Variants in DNER observed in about 807,000 individuals in gnomAD.
DNER encodes delta and Notch-like epidermal growth factor-related receptor.
Under a neutral mutation model 78.2 loss-of-function variants are expected in DNER, and 33 were observed. That is an observed-to-expected ratio of 0.42 (90% confidence interval 0.32 to 0.56). DNER has a LOEUF of 0.56. DNER is among the 20% of genes least tolerant of loss of function. The pLI, the probability that DNER is intolerant of heterozygous loss-of-function variation, is 0.11. For missense variants in DNER, 918 were observed against 975.3 expected, an observed-to-expected ratio of 0.94 and a Z score of 0.78; for synonymous variants, 417 against 384.8, an observed-to-expected ratio of 1.08 and a Z score of -0.98.
At position 229,695,175 on chromosome 2, in the gene DNER, G is replaced by A. The variant is rs536403790; in HGVS notation, c.276+18973C>T. Among the ~76,000 whole-genome samples, 3 of 152,266 alleles carry A rather than the reference G, an allele frequency of 2.0e-5. No individual in the cohort carries two copies. In the South Asian group the frequency reaches 6.2e-4, roughly 32 times the overall value. ...AATTTCCTGAGGCCTCCCCAGCCAT[G>A]CTGAACTGTGTGTCAATTAAACATC... On this transcript the variant is annotated intron_variant, in intron 1 of 12. Coordinates refer to ENST00000341772, the MANE Select transcript of DNER (RefSeq NM_139072.4).
At position 229,714,486 on chromosome 2, in the gene DNER, G is replaced by A. The variant is rs973527572; in HGVS notation, c.-63C>T. On this transcript the variant is annotated 5_prime_UTR_variant, in exon 1 of 13. Coordinates refer to ENST00000341772, the MANE Select transcript of DNER (RefSeq NM_139072.4). ...CAGTGACGGCGGCGGCGGTGGCAGT[G>A]GCGACGAGAGCTGCGAGAGCGACGG... 3.9e-5 allele frequency: 42 copies of A among 1,085,734 alleles called. No homozygotes were observed. Among genetic ancestry groups the A allele is most frequent in the Non-Finnish European group, 4.6e-5 (41 of 896,932 alleles). 67.3% of individuals were successfully genotyped at this position (1,085,734 alleles called of 1,614,324 possible).
intron 2 of DNER, among the ~76,000 whole-genome samples, chr2:229,590,379 T>A (rs1377211117): frequency 2.0e-5 from 3 of 152,242 alleles, no homozygotes; most frequent in Admixed American, 6.5e-5. Flanking sequence ...TCTAAAAATA[T>A]GTCAAAATCA....
rs1183599260 is a variant in DNER at position 229,482,095 on chromosome 2, A to T, written c.1148-4842T>A. Among the ~76,000 whole-genome samples the T allele has an allele frequency of 2.0e-5, 3 of 152,338 alleles. No individual in the cohort carries two copies. The East Asian group carries it at 5.8e-4, about 29-fold the overall frequency. On this transcript the variant is annotated intron_variant, in intron 6 of 12. Coordinates refer to ENST00000341772, the MANE Select transcript of DNER (RefSeq NM_139072.4). ...TCCAAATGACGAAAGTCTATACCTA[A>T]CCATGGAGGCAAGTATCAGCAATTG... is the stretch of plus-strand genomic sequence containing the variant.
chr2:229,484,510 C>G (rs1323052514), intron 6 of DNER, among the ~76,000 whole-genome samples: 2 of 152,206 alleles, frequency 1.3e-5, no homozygotes, highest in Admixed American at 1.3e-4. Context: ...TACGGCAAAT[C>G]AACAAGGCTG....
chr2:229,409,234 TA>T (rs1693454663), intron 9 of DNER, among the ~76,000 whole-genome samples: 1 of 152,194 alleles, frequency 6.6e-6, no homozygotes, highest in Non-Finnish European at 1.5e-5. Flanking sequence ...TTTTCTGCTT[TA>T]AAATGTTTAT....
intron 1 of DNER, among the ~76,000 whole-genome samples, chr2:229,685,757 A>G (rs1699473290): frequency 6.6e-6 from 1 of 152,220 alleles, no homozygotes. Flanking sequence ...CATACCAGGC[A>G]CAGAGCAAAC....
intron 4 of DNER, among the ~76,000 whole-genome samples, chr2:229,561,902 A>G (rs1258681619): frequency 1.3e-5 from 2 of 149,732 alleles, no homozygotes; most frequent in Non-Finnish European, 2.9e-5. Context: ...GAGACAAAGT[A>G]CAGAAATACC....
At chr2:229,678,881 A>G (rs918005624) in intron 1 of DNER, among the ~76,000 whole-genome samples, 5 of 152,226 alleles carry the variant, frequency 3.3e-5, no homozygotes, top group African/African-American at 1.2e-4. Flanking sequence ...GTATCAGATA[A>G]TAAATACATC....
At chr2:229,425,871 C>T (rs1341250842) in intron 8 of DNER, among the ~76,000 whole-genome samples, 4 of 152,160 alleles carry the variant, frequency 2.6e-5, no homozygotes, top group Non-Finnish European at 4.4e-5. Flanking sequence ...TCAGGACAAC[C>T]AGGGGGAGGT....
At chr2:229,700,571 C>T (rs1026484969) in intron 1 of DNER, among the ~76,000 whole-genome samples, 7 of 151,934 alleles carry the variant, frequency 4.6e-5, no homozygotes, top group Admixed American at 1.3e-4. Context: ...TAAACAGTCA[C>T]ACAATGGCAT....
At chr2:229,678,008 C>T (rs1321012085) in intron 1 of DNER, among the ~76,000 whole-genome samples, 8 of 152,192 alleles carry the variant, frequency 5.3e-5, no homozygotes, top group Non-Finnish European at 1.2e-4. Flanking sequence ...CCTAACAAAG[C>T]ATAAATTGCA....
chr2:229,637,232 T>A (rs191434268), intron 1 of DNER, among the ~76,000 whole-genome samples: 76 of 152,300 alleles, frequency 5.0e-4, no homozygotes, highest in African/African-American at 1.6e-3. Flanking sequence ...CCCAACCCCA[T>A]CAGTTTAGAA....
Position 229,591,781 on chromosome 2 carries a change from T to C in DNER, c.384A>G (p.Glu128=), listed in dbSNP as rs1168433220. 1.1e-5 allele frequency: 17 copies of C among 1,613,900 alleles called. No individual in the cohort carries two copies. Among genetic ancestry groups the C allele is most frequent in the Non-Finnish European group, 1.4e-5 (16 of 1,179,976 alleles). Residue 128 remains glutamate, a synonymous_variant, in exon 2 of 13, where the codon GAA becomes GAG. Transcript: ENST00000341772. This position sits in a 1 kb window ranked among gnomAD's most constrained non-coding sequence, Gnocchi z 4.6. The part of the protein sequence containing the change: ...GYLCICNEGY[E]GPNCEQALPS... ...GAAGTGCCTGTTCACAGTTGGGACC[T>C]TCATAGCCTTCATTGCAAATGCAGA... is the stretch of plus-strand genomic sequence containing the variant.
intron 1 of DNER, among the ~76,000 whole-genome samples, chr2:229,636,158 C>T (rs1698528626): frequency 6.6e-6 from 1 of 152,130 alleles, no homozygotes; most frequent in African/African-American, 2.4e-5. Flanking sequence ...ACCAGCATAT[C>T]GTACTCAGCG....
At chr2:229,377,346 C>A (rs1263743757) in intron 11 of DNER, among the ~76,000 whole-genome samples, 1 of 152,188 alleles carries the variant, frequency 6.6e-6, no homozygotes, top group Non-Finnish European at 1.5e-5. Context: ...AACTATAACT[C>A]TAACTTTATA....
chr2:229,369,314 A>G (rs922975572), intron 11 of DNER, among the ~76,000 whole-genome samples: 11 of 150,138 alleles, frequency 7.3e-5, no homozygotes, highest in South Asian at 4.2e-4. Context: ...GTTAAAAAAA[A>G]GTTTTAACTT....
At chr2:229,509,316 C>T (rs1266732005) in intron 6 of DNER, among the ~76,000 whole-genome samples, 5 of 152,210 alleles carry the variant, frequency 3.3e-5, no homozygotes, top group Non-Finnish European at 7.3e-5. Context: ...TTTAACATTA[C>T]TTCCAAAAGA....
chr2:229,451,973 A>G (rs946320330), intron 7 of DNER, among the ~76,000 whole-genome samples: 9 of 152,230 alleles, frequency 5.9e-5, no homozygotes, highest in Non-Finnish European at 1.0e-4. Context: ...GGAGACATAA[A>G]GGGTCATGGC....
rs562371014 is a variant in DNER, at chr2:229,674,084, C to A, written c.276+40064G>T. ...TCTCCAGGTTCCAAGAATAGCTGGTCTCCTCCCCTTGCTCCTTCAGGACTA... is the reference window on the plus strand; with the variant it reads ...TCTCCAGGTTCCAAGAATAGCTGGTATCCTCCCCTTGCTCCTTCAGGACTA... On this transcript the variant is annotated intron_variant, in intron 1 of 12. Coordinates refer to ENST00000341772, the MANE Select transcript of DNER (RefSeq NM_139072.4). Among the ~76,000 whole-genome samples, 16 of 152,352 alleles carry A rather than the reference C, an allele frequency of 1.1e-4. No individual in the cohort carries two copies. In the South Asian group the frequency reaches 3.1e-3, roughly 30 times the overall value.
Sources: gnomAD v4.1 joint callset for allele counts (sites outside exome capture counted in the v4.1 genomes callset) on GRCh38, gnomAD v4.1.1 for gene constraint, Gnocchi (gnomAD v3.1) non-coding constraint, MANE v1.5 for transcripts, NCBI Gene and HGNC (gene_info 2026-07-23, HGNC 2026-07-21) for gene names.